Variants in WSB2 observed in about 807,000 individuals in gnomAD.
WSB2 encodes the protein WD repeat and SOCS box-containing protein 2.
In WSB2, 12 loss-of-function variants were observed where a neutral mutation model predicts 48.8. That is an observed-to-expected ratio of 0.25 (90% CI 0.16 to 0.40). WSB2 has a LOEUF of 0.40. Ranked by LOEUF, WSB2 falls within the 10% of genes least tolerant of loss-of-function variation. The probability of loss-of-function intolerance (pLI) is 1.00; values close to 1 mark genes in which losing one functional copy is unlikely to be tolerated. For synonymous variants in WSB2, 191 were observed against 203.1 expected, an observed-to-expected ratio of 0.94 and a Z score of 0.51; for missense variants, 317 against 506.2, an observed-to-expected ratio of 0.63 and a Z score of 3.59.
In WSB2 at chr12:118,034,929, C is replaced by T. The variant is rs543224378; in HGVS notation, c.1052+57G>A. The T allele has an allele frequency of 8.5e-6, 13 of 1,522,494 alleles. No individual in the cohort carries two copies. In the African/African-American group the frequency reaches 1.7e-4, roughly 19 times the overall value. 94.3% of individuals were successfully genotyped at this position (1,522,494 alleles called of 1,614,324 possible). On this transcript the variant is annotated intron_variant, in intron 8 of 8. Transcript: ENST00000315436. The stretch of plus-strand genomic sequence containing the variant: ...CTAGATGGTTTCTTTCCTTAAAAAG[C>T]TCCATGGTATACTCAGCAGAAAGCA...
At chr12:118,057,045 A>G (rs2031969681) in intron 1 of WSB2, among the ~76,000 whole-genome samples, 1 of 152,214 alleles carries the variant, frequency 6.6e-6, no homozygotes, top group South Asian at 2.1e-4. Flanking sequence ...TTGCTATTTC[A>G]GGTTCAGGAA....
chr12:118,034,481 C>A, intron 8 of WSB2, 123 bp from the exon 9 acceptor site: 1 of 1,177,998 alleles, frequency 8.5e-7, no homozygotes, highest in Admixed American at 2.7e-5. Context: ...GAAATGTAAC[C>A]CTGACTGTGG....
upstream of WSB2, chr12:118,061,959 G>T: frequency 1.3e-6 from 1 of 797,562 alleles, no homozygotes; most frequent in Non-Finnish European, 1.9e-6. Flanking sequence ...GCTACTCAAT[G>T]GCTCCGGTAA....
At chr12:118,034,406 G>T (rs760071172) in intron 8 of WSB2, 48 bp from the exon 9 acceptor site, 1 of 1,599,206 alleles carries the variant, frequency 6.3e-7, no homozygotes, top group East Asian at 2.2e-5. Context: ...GGATGTTCAT[G>T]TTTTCATGAG....
At chr12:118,040,992 T>G (rs1306653965) in intron 4 of WSB2, among the ~76,000 whole-genome samples, 7 of 152,244 alleles carry the variant, frequency 4.6e-5, no homozygotes, top group Non-Finnish European at 8.8e-5. Flanking sequence ...GAGGTTGCAG[T>G]GAGCTGAGAT....
chr12:118,054,257 G>A (rs1274492475), intron 1 of WSB2, among the ~76,000 whole-genome samples: 2 of 151,232 alleles, frequency 1.3e-5, no homozygotes, highest in Non-Finnish European at 2.9e-5. Flanking sequence ...CAGACATGGT[G>A]GCGGGCACCT....
At chr12:118,061,254 C>A, upstream of WSB2, 1 of 922,258 alleles carries the variant, frequency 1.1e-6, no homozygotes, top group Non-Finnish European at 1.3e-6. Flanking sequence ...GGGGTGCGGA[C>A]GGGATAAAAA....
Position 118,036,462 on chromosome 12 carries a change from C to T in WSB2, c.709G>A (p.Gly237Ser), listed in dbSNP as rs1292799648. Reference sequence around the variant, plus strand: ...CAAGAGACAACACTGCTTTGATGGCCCTCTAGCTTCCGAATTAACGTGTAG... The same window carrying T: ...CAAGAGACAACACTGCTTTGATGGCTCTCTAGCTTCCGAATTAACGTGTAG... ...RSYTLIRKLE[G>S]HQSSVVSCDF... The change falls in exon 6 of 9, where the codon GGC (glycine) becomes AGC (serine). Residue 237 changes from glycine (G) to serine (S), a missense_variant. By Grantham distance (56) the Gly-to-Ser change is moderately conservative. Coordinates refer to ENST00000315436, the MANE Select transcript of WSB2 (RefSeq NM_018639.5). 6.2e-7 allele frequency: 1 copy of T among 1,614,056 alleles called. No homozygotes were observed. The highest frequency in any genetic ancestry group is 1.7e-5 in the Admixed American group (1 of 60,000).
intron 5 of WSB2, among the ~76,000 whole-genome samples, chr12:118,037,303 G>A (rs1340291034): frequency 6.6e-6 from 1 of 152,194 alleles, no homozygotes. Context: ...CCAAGACTGG[G>A]CCTCTGACCT....
chr12:118,039,507 T>C (rs1023195399), intron 4 of WSB2, among the ~76,000 whole-genome samples: 1 of 151,948 alleles, frequency 6.6e-6, no homozygotes, highest in Non-Finnish European at 1.5e-5. Context: ...GTGCACAGGA[T>C]TATACAAGTA....
At chr12:118,036,126 C>T (rs752173598) in intron 6 of WSB2, 53 of 451,304 alleles carry the variant, frequency 1.2e-4, no homozygotes, top group Admixed American at 2.9e-4. Context: ...CGCTTGAACC[C>T]GGGAGGTGGA....
chr12:118,057,747 A>G (rs1309733815), intron 1 of WSB2, among the ~76,000 whole-genome samples: 2 of 151,202 alleles, frequency 1.3e-5, no homozygotes, highest in African/African-American at 4.9e-5. Context: ...AGCAAATTTC[A>G]AGTATATCAT....
intron 4 of WSB2, among the ~76,000 whole-genome samples, chr12:118,039,133 G>C (rs1273020645): frequency 6.6e-6 from 1 of 152,122 alleles, no homozygotes; most frequent in Non-Finnish European, 1.5e-5. Flanking sequence ...GCTCCAGACT[G>C]TCACCCTCCC....
At position 118,061,140 on chromosome 12, in the gene WSB2, C is replaced by T; in HGVS notation, c.-92G>A. ...GCCGCCCCCGCGCCGCCCGCCCCGG[C>T]CAGGCCGCCGCCGCCGCCCGGAGAG... On this transcript the variant is annotated 5_prime_UTR_variant, in exon 1 of 9. Coordinates refer to ENST00000315436, the MANE Select transcript of WSB2 (RefSeq NM_018639.5). The T allele has an allele frequency of 3.1e-6, 3 of 981,778 alleles. No individual in the cohort carries two copies. The highest frequency in any genetic ancestry group is 3.6e-6 in the Non-Finnish European group (3 of 828,402). 60.8% of individuals were successfully genotyped at this position (981,778 alleles called of 1,614,324 possible). A position where few individuals can be genotyped will look rare whatever the true frequency, so the allele number is the denominator to read the frequency against.
chr12:118,060,978 C>T lies in WSB2; in HGVS notation c.13+58G>A. The T allele has an allele frequency of 1.1e-6, 1 of 890,440 alleles. No homozygotes were observed. The allele number at this position is 890,440 out of a possible 1,614,324, so 55.2% of individuals were successfully genotyped here. On this transcript the variant is annotated intron_variant, in intron 1 of 8. Coordinates refer to ENST00000315436, the MANE Select transcript of WSB2 (RefSeq NM_018639.5). This position sits in a 1 kb window ranked among gnomAD's most constrained non-coding sequence, Gnocchi z 4.1. Reference sequence around the variant, plus strand: ...GCCCCGGGGTCGCCTCCCCCCTCCCCGGGGAGAACGGGCCAGGGCCCCGCC... The same window carrying T: ...GCCCCGGGGTCGCCTCCCCCCTCCCTGGGGAGAACGGGCCAGGGCCCCGCC...
Position 118,035,046 on chromosome 12 carries a change from G to A in WSB2, c.992C>T (p.Ala331Val), listed in dbSNP as rs768001950. 4.3e-6 allele frequency: 7 copies of A among 1,614,088 alleles called. No homozygotes were observed. Among genetic ancestry groups the A allele is most frequent in the South Asian group, 1.1e-5 (1 of 91,090 alleles). The part of the protein sequence containing the change: ...ALELKTPIAF[A>V]PMTNGLCCTF... ...GCAGCAAAGCCCATTGGTCATAGGA[G>A]CAAATGCAATGGGAGTTTTCAGTTC... Residue 331 changes from alanine to valine, a missense_variant, in exon 8 of 9, where the codon GCT becomes GTT. Coordinates refer to ENST00000315436, the MANE Select transcript of WSB2 (RefSeq NM_018639.5).
intron 2 of WSB2, among the ~76,000 whole-genome samples, chr12:118,050,424 G>C (rs974581431): frequency 6.6e-6 from 1 of 152,098 alleles, no homozygotes; most frequent in Non-Finnish European, 1.5e-5. Flanking sequence ...TGAGGCGGGA[G>C]GATTTCTTGA....
At chr12:118,057,978 C>G (rs530137837) in intron 1 of WSB2, among the ~76,000 whole-genome samples, 247 of 151,454 alleles carry the variant, frequency 1.6e-3, no homozygotes, top group South Asian at 3.5e-3. Flanking sequence ...CTATGTTGAC[C>G]AAGCTGGTTT....
chr12:118,039,377 G>C (rs12313999), intron 4 of WSB2, among the ~76,000 whole-genome samples: 1 of 152,126 alleles, frequency 6.6e-6, no homozygotes, highest in Non-Finnish European at 1.5e-5. Context: ...GAATTAGAGA[G>C]AGATTTTCCA....
Sources: gnomAD v4.1 joint callset for allele counts (sites outside exome capture counted in the v4.1 genomes callset) on GRCh38, gnomAD v4.1.1 for gene constraint, Gnocchi (gnomAD v3.1) non-coding constraint, MANE v1.5 for transcripts, NCBI Gene and HGNC (gene_info 2026-07-23, HGNC 2026-07-21) for gene names.